Variants in PUM1 observed in about 807,000 individuals in gnomAD.
The protein encoded by PUM1 is pumilio RNA binding family member 1.
In PUM1, 13 loss-of-function variants were observed where a neutral mutation model predicts 131.8. That is an observed-to-expected ratio of 0.10 (90% confidence interval 0.06 to 0.16). The LOEUF (loss-of-function observed/expected upper bound fraction) is 0.16. Ranked by LOEUF, PUM1 falls within the 10% of genes least tolerant of loss-of-function variation. The pLI, the probability that PUM1 is intolerant of heterozygous loss-of-function variation, is 1.00. For synonymous variants in PUM1, 509 were observed against 556.5 expected (o/e 0.91, Z 1.20); for missense variants, 961 against 1,512.4 (o/e 0.64, Z 6.05).
chr1:31,048,423 C>A (rs1276183826), intron 2 of PUM1, among the ~76,000 whole-genome samples: 2 of 151,424 alleles, frequency 1.3e-5, no homozygotes, highest in African/African-American at 4.8e-5. Flanking sequence ...TTTTCTTTAG[C>A]CACCAGGACC....
intron 7 of PUM1, among the ~76,000 whole-genome samples, chr1:30,991,309 G>C (rs1233166381): frequency 6.6e-6 from 1 of 152,122 alleles, no homozygotes; most frequent in Non-Finnish European, 1.5e-5. Context: ...AAGATATTTT[G>C]TTAATTTAAC....
intron 2 of PUM1, among the ~76,000 whole-genome samples, chr1:31,047,772 T>A (rs1366723130): frequency 6.6e-6 from 1 of 152,094 alleles, no homozygotes; most frequent in Non-Finnish European, 1.5e-5. Context: ...TGAAACCCCA[T>A]CTCTACTAAA....
rs572878307 is a variant in PUM1, at chr1:31,015,028, A to G, written c.433-7926T>C. Among the ~76,000 whole-genome samples the G allele has an allele frequency of 1.6e-3, 244 of 152,332 alleles. 2 individuals are homozygous for G. The highest frequency in any genetic ancestry group is 5.6e-3 in the African/African-American group (232 of 41,582). ...CAATGTAAGCTCACCAAAAATAGCC[A>G]TAATGACTACATGTAATATTTATAA... On this transcript the variant is annotated intron_variant, in intron 3 of 21. Coordinates refer to ENST00000426105, the MANE Select transcript of PUM1 (RefSeq NM_001020658.2).
rs1427276778 is a variant in PUM1 at position 30,968,496 on chromosome 1, G to A, written c.1507-4C>T. ...GGCTGGCTCCTCCACGGAGAACCTG[G>A]GAAAGGAAGACAGAAATAACTCAAC... On this transcript the variant is annotated splice_region_variant and splice_polypyrimidine_tract_variant and intron_variant, in intron 10 of 21. Transcript: ENST00000426105. 2 of 1,589,500 alleles carry A rather than the reference G, an allele frequency of 1.3e-6. No homozygotes were observed. The highest frequency in any genetic ancestry group is 1.4e-5 in the African/African-American group (1 of 73,242).
At chr1:30,958,925 G>A (rs939685874) in intron 14 of PUM1, among the ~76,000 whole-genome samples, 2 of 152,004 alleles carry the variant, frequency 1.3e-5, no homozygotes, top group African/African-American at 4.8e-5. Flanking sequence ...CACATTCATG[G>A]GTATATATGC....
chr1:30,963,517 T>C (rs2124435848), intron 14 of PUM1, among the ~76,000 whole-genome samples: 1 of 152,300 alleles, frequency 6.6e-6, no homozygotes, highest in South Asian at 2.1e-4. Context: ...GACTTGAAAC[T>C]CGCCTCTTTC....
chr1:31,047,722 C>T (rs1279004221), intron 2 of PUM1, among the ~76,000 whole-genome samples: 3 of 152,200 alleles, frequency 2.0e-5, no homozygotes, highest in Admixed American at 1.3e-4. Flanking sequence ...GTGGGTGGAT[C>T]ACCTGAGGTC....
In PUM1 at chr1:31,005,853, A is replaced by C; in HGVS notation, c.720T>G (p.Phe240Leu). The C allele has an allele frequency of 3.1e-6, 5 of 1,589,084 alleles. No homozygotes were observed. Among genetic ancestry groups the C allele is most frequent in the Non-Finnish European group, 4.3e-6 (5 of 1,169,540 alleles). The change falls in exon 5 of 22, where the codon TTT (phenylalanine) becomes TTG (leucine). Residue 240 changes from phenylalanine to leucine, a missense_variant and splice_region_variant. By Grantham distance (22) the Phe-to-Leu change is conservative. This residue lies in a region of PUM1 where 654 missense variants were observed against 923.9 expected (regional missense o/e 0.71). Coordinates refer to ENST00000426105, the MANE Select transcript of PUM1 (RefSeq NM_001020658.2). ...PGDSCLRKGG[F>L]GPRDADSDEN... is the part of the protein sequence containing the mutation. ...GAACAAGTTCCTCAAGCCAACTTAC[A>C]AATCCTCCTTTTCTTAGACAGGAAT...
chr1:31,046,156 G>A (rs1259935766), intron 2 of PUM1, among the ~76,000 whole-genome samples: 2 of 151,970 alleles, frequency 1.3e-5, no homozygotes, highest in Non-Finnish European at 2.9e-5. Context: ...GGAGGCCAAG[G>A]TGGGCAGATC....
intron 2 of PUM1, among the ~76,000 whole-genome samples, chr1:31,034,236 C>A (rs1320885955): frequency 6.6e-6 from 1 of 152,178 alleles, no homozygotes; most frequent in Non-Finnish European, 1.5e-5. Context: ...CAATGAACGT[C>A]CCTTTACTGG....
chr1:31,054,534 C>CT (rs1364145847), intron 2 of PUM1, among the ~76,000 whole-genome samples: 11 of 61,204 alleles, frequency 1.8e-4, no homozygotes, highest in Non-Finnish European at 2.0e-4. Flanking sequence ...CAAAGGGCCA[C>CT]TAAAAAAAAA....
chr1:30,950,100 A>C (rs1361788186), intron 17 of PUM1, 27 bp downstream of exon 17: 2 of 1,604,382 alleles, frequency 1.2e-6, no homozygotes, highest in African/African-American at 1.3e-5. Flanking sequence ...ATCAAACACC[A>C]AGAGAAAAGT....
At position 30,981,304 on chromosome 1, in the gene PUM1, G is replaced by A. The variant is rs1389000768; in HGVS notation, c.1252+8C>T. The A allele has an allele frequency of 2.5e-6, 4 of 1,572,984 alleles. No homozygotes were observed. The highest frequency in any genetic ancestry group is 3.5e-6 in the Non-Finnish European group (4 of 1,149,962). On this transcript the variant is annotated splice_region_variant and intron_variant, in intron 8 of 21. Transcript: ENST00000426105. ...TATCATGAAAGAGCTATGGGCTTAAGGACTTACCGATGTGCGGCTGATGAG... is the reference window on the plus strand; with the variant it reads ...TATCATGAAAGAGCTATGGGCTTAAAGACTTACCGATGTGCGGCTGATGAG...
At position 30,950,014 on chromosome 1, in the gene PUM1, G is replaced by A. The variant is rs1158910314; in HGVS notation, c.2856+113C>T. On this transcript the variant is annotated intron_variant, in intron 17 of 21. Transcript: ENST00000426105. ...GCCATGCACAAAAAGGCAGCCATAA[G>A]CAACAATGCAAAACCATAAAAGAAA... 8.8e-6 allele frequency: 11 copies of A among 1,245,842 alleles called. No homozygotes were observed. In the South Asian group the frequency reaches 1.9e-4, roughly 21 times the overall value. The allele number at this position is 1,245,842 out of a possible 1,614,324, so 77.2% of individuals were successfully genotyped here.
At chr1:30,996,168 C>G (rs902486998) in intron 5 of PUM1, among the ~76,000 whole-genome samples, 1 of 152,174 alleles carries the variant, frequency 6.6e-6, no homozygotes, top group South Asian at 2.1e-4. Context: ...AAGGGTTTAA[C>G]CCTTTGTTCT....
In PUM1 at chr1:31,038,416, T is replaced by C. The variant is rs142802957; in HGVS notation, c.364-9552A>G. ...GTAGACTACTGTTCAAAGACCATGG[T>C]AGACACTACTTTCTACACTCTCCTT... On this transcript the variant is annotated intron_variant, in intron 2 of 21. Coordinates refer to ENST00000426105, the MANE Select transcript of PUM1 (RefSeq NM_001020658.2). Among the ~76,000 whole-genome samples, 316 of 152,282 alleles carry C rather than the reference T, an allele frequency of 2.1e-3. 1 individual carries two copies. The highest frequency in any genetic ancestry group is 7.3e-3 in the African/African-American group (303 of 41,568).
At chr1:31,065,157 T>C (rs924201515) in intron 1 of PUM1, among the ~76,000 whole-genome samples, 6 of 152,158 alleles carry the variant, frequency 3.9e-5, no homozygotes, top group African/African-American at 1.4e-4. Flanking sequence ...AGCGATTTAT[T>C]GTTCCTCCTC....
chr1:31,062,515 G>A (rs1644391200), intron 1 of PUM1, among the ~76,000 whole-genome samples: 1 of 151,816 alleles, frequency 6.6e-6, no homozygotes, highest in South Asian at 2.1e-4. Flanking sequence ...AGCTACTCGG[G>A]AGACTGAGGC....
intron 2 of PUM1, among the ~76,000 whole-genome samples, chr1:31,033,058 A>G (rs1643487089): frequency 9.7e-6 from 1 of 103,264 alleles, no homozygotes; most frequent in Admixed American, 8.6e-5. Context: ...ACAAAAAAAG[A>G]AAAAAAAAAA....
Sources: allele counts gnomAD v4.1 joint callset (sites outside exome capture counted in the v4.1 genomes callset), GRCh38; gene constraint gnomAD v4.1.1; regional missense constraint gnomAD v4.1.1; transcripts MANE v1.5; gene names NCBI Gene and HGNC (gene_info 2026-07-23, HGNC 2026-07-21).